The following PALLD variants were observed in gnomAD, a reference collection of about 807,000 sequenced individuals.
PALLD encodes the protein palladin, cytoskeletal associated protein, also known as palladin.
In PALLD, 61 loss-of-function variants were observed where a neutral mutation model predicts 123.5. The observed-to-expected ratio is 0.49, with a 90% confidence interval of 0.40 to 0.61. The LOEUF is 0.61. PALLD is among the 20% of genes least tolerant of loss of function. The pLI, the probability that PALLD is intolerant of heterozygous loss-of-function variation, is 0.00. For missense variants in PALLD, 1,273 were observed against 1,377.0 expected, an observed-to-expected ratio of 0.92 and a Z score of 1.20; for synonymous variants, 465 against 496.4, an observed-to-expected ratio of 0.94 and a Z score of 0.84.
intron 10 of PALLD, among the ~76,000 whole-genome samples, chr4:168,840,301 G>A (rs1001114412): frequency 1.3e-5 from 2 of 152,104 alleles, no homozygotes; most frequent in Non-Finnish European, 2.9e-5. Flanking sequence ...TAAGGAGCTC[G>A]CCTCTCCAGG....
intron 10 of PALLD, among the ~76,000 whole-genome samples, chr4:168,718,994 G>A (rs1437899294): frequency 6.7e-6 from 1 of 148,362 alleles, no homozygotes; most frequent in Admixed American, 6.8e-5. Flanking sequence ...TGCAACCTCC[G>A]CCTCCTGGGT....
At chr4:168,789,700 CT>C (rs1318915348) in intron 10 of PALLD, among the ~76,000 whole-genome samples, 1 of 131,004 alleles carries the variant, frequency 7.6e-6, no homozygotes, top group Non-Finnish European at 1.6e-5. Flanking sequence ...GAGACTCCGT[CT>C]CAAAAAAAAA....
rs1560876799 is a variant in PALLD, at chr4:168,896,614, C to G, written c.2250+15C>G. ...ATGGTCAAAAGGTTAAGCTTTTCAC[C>G]TTTCTTCTCCTTCCAGTCTTTCTCT... On this transcript the variant is annotated intron_variant, in intron 13 of 21. Transcript: ENST00000505667. The G allele has an allele frequency of 7.0e-7, 1 of 1,420,650 alleles. No homozygotes were observed. The highest frequency in any genetic ancestry group is 9.6e-7 in the Non-Finnish European group (1 of 1,042,526). The allele number at this position is 1,420,650 out of a possible 1,614,324, so 88.0% of individuals were successfully genotyped here.
intron 10 of PALLD, among the ~76,000 whole-genome samples, chr4:168,854,426 C>A (rs1038086165): frequency 7.2e-5 from 11 of 152,078 alleles, no homozygotes; most frequent in African/African-American, 1.9e-4. Flanking sequence ...ATTGACAAAG[C>A]CAAAAAAATG....
chr4:168,759,804 C>T (rs1246982038), intron 10 of PALLD, among the ~76,000 whole-genome samples: 2 of 152,130 alleles, frequency 1.3e-5, no homozygotes, highest in African/African-American at 4.8e-5. Flanking sequence ...CCTGTAATCC[C>T]AGCACTTTGG....
chr4:168,559,455 A>G (rs963479457), intron 2 of PALLD, among the ~76,000 whole-genome samples: 4 of 152,220 alleles, frequency 2.6e-5, no homozygotes, highest in Non-Finnish European at 5.9e-5. Context: ...CTGAATTTTA[A>G]TCACTAGAAA....
chr4:168,792,327 A>AAAAAAAAAG (rs1737645281), intron 10 of PALLD, among the ~76,000 whole-genome samples: 1 of 114,102 alleles, frequency 8.8e-6, no homozygotes, highest in Admixed American at 8.6e-5. Flanking sequence ...GGGTTCCTTT[A>AAAAAAAAAG]AAAAAAAATA....
chr4:168,839,617 T>G (rs1745738995), intron 10 of PALLD, among the ~76,000 whole-genome samples: 2 of 150,282 alleles, frequency 1.3e-5, no homozygotes, highest in Admixed American at 6.6e-5. Flanking sequence ...GGGACGGGGG[T>G]GCATCAGAGG....
intron 8 of PALLD, among the ~76,000 whole-genome samples, chr4:168,705,538 C>T (rs964414401): frequency 6.6e-6 from 1 of 152,204 alleles, no homozygotes; most frequent in African/African-American, 2.4e-5. Flanking sequence ...TATTGTTCTT[C>T]AAGAAAGATG....
intron 10 of PALLD, among the ~76,000 whole-genome samples, chr4:168,733,902 T>G (rs1787446014): frequency 6.6e-6 from 1 of 152,032 alleles, no homozygotes; most frequent in Non-Finnish European, 1.5e-5. Context: ...ACCTGGCTAA[T>G]TTTTTTGTAT....
At chr4:168,597,007 A>G (rs1228186399) in intron 2 of PALLD, among the ~76,000 whole-genome samples, 1 of 152,048 alleles carries the variant, frequency 6.6e-6, no homozygotes, top group Admixed American at 6.6e-5. Context: ...AAAAAAAATT[A>G]CGCCATAAGC....
chr4:168,531,808 T>A (rs1479842269), intron 2 of PALLD, among the ~76,000 whole-genome samples: 1 of 152,124 alleles, frequency 6.6e-6, no homozygotes, highest in Non-Finnish European at 1.5e-5. Flanking sequence ...AGAGAACCAC[T>A]CTATCCCTGA....
At chr4:168,699,534 A>G (rs1048172623) in intron 8 of PALLD, among the ~76,000 whole-genome samples, 11 of 151,996 alleles carry the variant, frequency 7.2e-5, no homozygotes, top group Non-Finnish European at 7.4e-5. Context: ...TGGGACAAAA[A>G]AAAAAAAAAC....
intron 8 of PALLD, among the ~76,000 whole-genome samples, chr4:168,706,320 A>G (rs576314426): frequency 1.6e-3 from 250 of 152,320 alleles, no homozygotes; most frequent in African/African-American, 5.7e-3. Context: ...AATGTAGAAC[A>G]CAAAATTAAT....
intron 6 of PALLD, among the ~76,000 whole-genome samples, chr4:168,687,662 A>G (rs1484876176): frequency 6.6e-6 from 1 of 152,170 alleles, no homozygotes; most frequent in African/African-American, 2.4e-5. Context: ...GCATGTGTAG[A>G]TATTATGGAA....
chr4:168,538,005 G>A (rs1358667910), intron 2 of PALLD, among the ~76,000 whole-genome samples: 1 of 152,168 alleles, frequency 6.6e-6, no homozygotes, highest in Non-Finnish European at 1.5e-5. Flanking sequence ...AACTTTCTGT[G>A]ACATATTTTA....
intron 8 of PALLD, among the ~76,000 whole-genome samples, chr4:168,706,637 A>G (rs1784256310): frequency 6.6e-6 from 1 of 152,190 alleles, no homozygotes; most frequent in Non-Finnish European, 1.5e-5. Context: ...ATCATCAGAA[A>G]TGGGGAAAAG....
intron 8 of PALLD, chr4:168,700,872 A>G (rs913624825): frequency 1.3e-5 from 2 of 152,154 alleles, no homozygotes; most frequent in African/African-American, 4.8e-5. Flanking sequence ...TAAAAAAAAG[A>G]TTTTAAAAAT....
intron 5 of PALLD, among the ~76,000 whole-genome samples, chr4:168,684,005 T>C (rs1009383472): frequency 2.0e-5 from 3 of 152,230 alleles, no homozygotes; most frequent in Non-Finnish European, 2.9e-5. Flanking sequence ...TAGTACATAT[T>C]TCCTTTAAAC....
Sources: gnomAD v4.1 joint callset for allele counts (sites outside exome capture counted in the v4.1 genomes callset) on GRCh38, gnomAD v4.1.1 for gene constraint, MANE v1.5 for transcripts, NCBI Gene and HGNC (gene_info 2026-07-23, HGNC 2026-07-21) for gene names.